The following NCKAP1L variants were observed in gnomAD, a reference collection of about 807,000 sequenced individuals.
The protein encoded by NCKAP1L is NCK associated protein 1 like.
In NCKAP1L, 53 loss-of-function variants were observed where a neutral mutation model predicts 139.2. The ratio of observed to expected loss-of-function variants is 0.38; its 90% confidence interval spans 0.31 to 0.48. The LOEUF is 0.48. Ranked by LOEUF, NCKAP1L falls within the 20% of genes least tolerant of loss-of-function variation. The pLI, the probability that NCKAP1L is intolerant of heterozygous loss-of-function variation, is 0.98. For synonymous variants in NCKAP1L, 468 were observed against 499.7 expected (o/e 0.94, Z 0.85); for missense variants, 1,151 against 1,381.9 (o/e 0.83, Z 2.65).
intron 18 of NCKAP1L, among the ~76,000 whole-genome samples, chr12:54,522,879 A>G (rs1956995740): frequency 6.6e-6 from 1 of 151,998 alleles, no homozygotes; most frequent in Non-Finnish European, 1.5e-5. Flanking sequence ...ATGCTACTTA[A>G]AAAAAAAGTG....
In NCKAP1L at chr12:54,498,746, C is replaced by T. The variant is rs924544273; in HGVS notation, c.103-609C>T. The T allele has an allele frequency of 8.4e-5, 82 of 980,324 alleles. 1 individual carries two copies. The African/African-American group carries it at 1.2e-3, about 15-fold the overall frequency. 60.7% of individuals were successfully genotyped at this position (980,324 alleles called of 1,614,324 possible). ...GAGCAGCTGCTTTTCTTGTTCCTTCCGGCTTCAGTTGAGGGGCGGGGAAAC... is the reference window on the plus strand; with the variant it reads ...GAGCAGCTGCTTTTCTTGTTCCTTCTGGCTTCAGTTGAGGGGCGGGGAAAC... On this transcript the variant is annotated intron_variant, in intron 1 of 30. Transcript: ENST00000293373.
At chr12:54,536,884 G>A in intron 28 of NCKAP1L, 60 bp from the exon 29 acceptor site, 6 of 1,192,954 alleles carry the variant, frequency 5.0e-6, no homozygotes, top group South Asian at 4.9e-5. Flanking sequence ...GGGTCATCCT[G>A]GAGTGGCTTA....
intron 22 of NCKAP1L, among the ~76,000 whole-genome samples, chr12:54,530,713 A>G (rs867794200): frequency 1.2e-4 from 19 of 152,342 alleles, no homozygotes; most frequent in South Asian, 1.0e-3. Flanking sequence ...CCTTGCCTGT[A>G]AAACCACGAT....
intron 30 of NCKAP1L, among the ~76,000 whole-genome samples, chr12:54,541,825 A>T (rs1957160452): frequency 6.6e-6 from 1 of 152,076 alleles, no homozygotes; most frequent in African/African-American, 2.4e-5. Context: ...TACCTCTTGG[A>T]TAAGGAAGGC....
chr12:54,535,008 T>C lies in NCKAP1L; in HGVS notation c.2863-96T>C. The C allele has an allele frequency of 3.5e-6, 3 of 853,392 alleles. 1 individual carries two copies. Among genetic ancestry groups the C allele is most frequent in the Admixed American group, 2.8e-5 (1 of 35,464 alleles). The allele number at this position is 853,392 out of a possible 1,614,324, so 52.9% of individuals were successfully genotyped here. ...TATAAAAGCATCTTTAAAAAAAAAA[T>C]TAAACCTGTGATCCAAAAGTCCTGG... On this transcript the variant is annotated intron_variant, in intron 26 of 30. Transcript: ENST00000293373.
chr12:54,540,165 A>G (rs1346994130), intron 30 of NCKAP1L, among the ~76,000 whole-genome samples: 2 of 152,228 alleles, frequency 1.3e-5, no homozygotes, highest in Admixed American at 1.3e-4. Flanking sequence ...GCTTGATTTA[A>G]TTAGTCATGT....
chr12:54,510,247 A>AGAAT (rs1565674241), intron 7 of NCKAP1L: 2 of 526,818 alleles, frequency 3.8e-6, no homozygotes, highest in Non-Finnish European at 6.8e-6. Context: ...AAATATTCAT[A>AGAAT]GAATGAATGA....
At chr12:54,512,857 T>C (rs1444324100) in intron 9 of NCKAP1L, among the ~76,000 whole-genome samples, 3 of 151,836 alleles carry the variant, frequency 2.0e-5, no homozygotes, top group Non-Finnish European at 4.4e-5. Flanking sequence ...GGGAGTTGCT[T>C]GAGGCAAAGA....
chr12:54,522,229 A>G (rs1405323571), intron 18 of NCKAP1L, among the ~76,000 whole-genome samples: 1 of 152,236 alleles, frequency 6.6e-6, no homozygotes, highest in African/African-American at 2.4e-5. Flanking sequence ...TTAATGCAAG[A>G]AGATATGCAA....
chr12:54,507,746 T>C, intron 3 of NCKAP1L, 107 bp from the exon 4 acceptor site: 1 of 984,598 alleles, frequency 1.0e-6, no homozygotes. Context: ...TGTTACTTGG[T>C]GGCTTTCTAG....
At chr12:54,499,503 T>A in intron 2 of NCKAP1L, 38 bp downstream of exon 2, 1 of 1,210,642 alleles carries the variant, frequency 8.3e-7, no homozygotes, top group Non-Finnish European at 1.2e-6. Flanking sequence ...TCTGAATAAT[T>A]CTCTGCTTGA....
chr12:54,500,605 G>T lies in NCKAP1L; in HGVS notation c.286G>T (p.Val96Leu). 6.2e-7 allele frequency: 1 copy of T among 1,611,706 alleles called. No individual in the cohort carries two copies. ...CCTCACCAACTACTACCAGTCATTT[G>T]TGGATGTCATGGAATTTCGGGTGAG... ...RFLTNYYQSF[V>L]DVMEFRDHVY... The change falls in exon 3 of 31, where the codon GTG (valine) becomes TTG (leucine). Residue 96 changes from valine to leucine, a missense_variant. Transcript: ENST00000293373.
chr12:54,524,991 CA>C (rs1303240589), intron 20 of NCKAP1L, among the ~76,000 whole-genome samples: 1 of 152,122 alleles, frequency 6.6e-6, no homozygotes, highest in Non-Finnish European at 1.5e-5. Flanking sequence ...GAGGAAACAG[CA>C]AGTGCAAAGG....
At position 54,543,691 on chromosome 12, in the gene NCKAP1L, G is replaced by T. The variant is rs376780264; in HGVS notation, c.*1006G>T. 1 of 152,176 alleles carries T rather than the reference G, an allele frequency of 6.6e-6. No homozygotes were observed. Among genetic ancestry groups the T allele is most frequent in the South Asian group, 2.1e-4 (1 of 4,830 alleles). 9.4% of individuals were successfully genotyped at this position (152,176 alleles called of 1,614,324 possible). A position where few individuals can be genotyped will look rare whatever the true frequency, so the allele number is the denominator to read the frequency against. ...AGGGAGTACAAGCTGTTTCAACTTA[G>T]CCCTTTTCTGCGCTAATTAGAATTT... is the stretch of plus-strand genomic sequence containing the variant. On this transcript the variant is annotated 3_prime_UTR_variant, in exon 31 of 31. Transcript: ENST00000293373.
At chr12:54,513,921 T>C (rs1383852211) in intron 9 of NCKAP1L, among the ~76,000 whole-genome samples, 1 of 151,970 alleles carries the variant, frequency 6.6e-6, no homozygotes, top group African/African-American at 2.4e-5. Flanking sequence ...AAAGTGGAAG[T>C]TGACTACACT....
intron 30 of NCKAP1L, 37 bp from the exon 31 acceptor site, chr12:54,542,538 A>G (rs1217430539): frequency 1.4e-6 from 2 of 1,477,750 alleles, no homozygotes; most frequent in Admixed American, 3.3e-5. Flanking sequence ...CAAATGCCCT[A>G]CCTGAGGTTC....
chr12:54,521,134 A>C lies in NCKAP1L; in HGVS notation c.1774A>C (p.Asn592His), dbSNP rs1956979682. Residue 592 changes from asparagine to histidine, a missense_variant, in exon 18 of 31, where the codon AAC becomes CAC. Physicochemically the swap from Asn to His is moderately conservative, Grantham distance 68 (BLOSUM62 1). Transcript: ENST00000293373. ...TTTCCCATAGTACCCCCACCTCAAG[A>C]ACCATGGTCTTCACCACTGCAACTC... ...MCPEEYPHLK[N>H]HGLHHCNSFL... 1.2e-6 allele frequency: 2 copies of C among 1,613,938 alleles called. No homozygotes were observed. The highest frequency in any genetic ancestry group is 1.3e-5 in the African/African-American group (1 of 74,888).
intron 3 of NCKAP1L, among the ~76,000 whole-genome samples, chr12:54,505,304 T>G (rs1956831141): frequency 6.6e-6 from 1 of 152,212 alleles, no homozygotes; most frequent in East Asian, 1.9e-4. Flanking sequence ...TATCTGTTAA[T>G]TTAGACACAG....
At chr12:54,534,270 A>G (rs1479998394) in intron 26 of NCKAP1L, among the ~76,000 whole-genome samples, 1 of 152,220 alleles carries the variant, frequency 6.6e-6, no homozygotes, top group African/African-American at 2.4e-5. Flanking sequence ...AGGTGGGAAA[A>G]TGAGGGATCA....
Sources: gnomAD v4.1 joint callset for allele counts (sites outside exome capture counted in the v4.1 genomes callset) on GRCh38, gnomAD v4.1.1 for gene constraint, MANE v1.5 for transcripts, NCBI Gene and HGNC (gene_info 2026-07-23, HGNC 2026-07-21) for gene names.